The following PRKAG2 variants were observed in gnomAD, a reference collection of about 807,000 sequenced individuals.
The protein encoded by PRKAG2 is protein kinase AMP-activated non-catalytic subunit gamma 2.
In PRKAG2, 26 loss-of-function variants were observed where a neutral mutation model predicts 69.6. That is an observed-to-expected ratio of 0.37 (90% CI 0.27 to 0.52). The LOEUF is 0.52. Among genes scored for constraint, PRKAG2 ranks in the 20% least tolerant of loss-of-function variants. The probability of loss-of-function intolerance (pLI) is 0.90; values close to 1 mark genes in which losing one functional copy is unlikely to be tolerated. For missense variants in PRKAG2, 557 were observed against 740.0 expected (o/e 0.75, Z 2.87); for synonymous variants, 293 against 285.0 (o/e 1.03, Z -0.28).
rs76589712 is a variant in PRKAG2, at chr7:151,635,440, G to A, written c.685-3302C>T. ...CAGTGCAAACGAAATAACAGATGTC[G>A]TTCAATGGATGAATGGTGAAGCGGG... On this transcript the variant is annotated intron_variant, in intron 4 of 15. Coordinates refer to ENST00000287878, the MANE Select transcript of PRKAG2 (RefSeq NM_016203.4). Among the ~76,000 whole-genome samples the A allele has an allele frequency of 4.1e-4, 63 of 152,234 alleles. 1 individual carries two copies. In the East Asian group the frequency reaches 9.7e-3, roughly 23 times the overall value.
chr7:151,588,721 T>C (rs1485974995), intron 6 of PRKAG2, among the ~76,000 whole-genome samples: 1 of 147,686 alleles, frequency 6.8e-6, no homozygotes, highest in African/African-American at 2.5e-5. Context: ...CCGCCATCCA[T>C]ATAAGACATG....
intron 1 of PRKAG2, chr7:151,809,181 T>C: frequency 2.2e-6 from 1 of 454,664 alleles, no homozygotes; most frequent in East Asian, 7.0e-5. Context: ...CTTGGCCTAA[T>C]ACTAAGGGCA....
chr7:151,559,739 TGA>T (rs1185617215), intron 15 of PRKAG2: 1 of 985,300 alleles, frequency 1.0e-6, no homozygotes, highest in Admixed American at 6.1e-5. Context: ...TATTGGATTC[TGA>T]GAGTTCAAAG....
chr7:151,874,091 GATGTAT>G (rs1257926105), intron 1 of PRKAG2, among the ~76,000 whole-genome samples: 3 of 134,392 alleles, frequency 2.2e-5, no homozygotes, highest in South Asian at 2.3e-4. Flanking sequence ...ATATGTATAT[GATGTAT>G]ATGTATATGA....
chr7:151,589,141 G>A (rs1453783463), intron 6 of PRKAG2, among the ~76,000 whole-genome samples: 2 of 152,202 alleles, frequency 1.3e-5, no homozygotes, highest in African/African-American at 4.8e-5. Context: ...CGGCTAGCAG[G>A]GCTCCTGTCT....
intron 6 of PRKAG2, among the ~76,000 whole-genome samples, chr7:151,585,089 A>G (rs888831758): frequency 6.6e-6 from 1 of 152,162 alleles, no homozygotes; most frequent in Non-Finnish European, 1.5e-5. Context: ...GGGGAAAAAT[A>G]AAATCATATA....
rs117369711 is a variant in PRKAG2, at chr7:151,684,179, G to A, written c.467-8542C>T. 6.5e-3 allele frequency among the ~76,000 whole-genome samples: 985 copies of A among 152,278 alleles called. 5 individuals carry two copies. The highest frequency in any genetic ancestry group is 0.01 in the Non-Finnish European group (704 of 68,004). On this transcript the variant is annotated intron_variant, in intron 3 of 15. Transcript: ENST00000287878. ...TATCCTCAGGGACCCTGCCTGCCAT[G>A]CCTCCAGCAACTCCTCTTCCCCTCG...
intron 1 of PRKAG2, among the ~76,000 whole-genome samples, chr7:151,815,032 T>C (rs1015290534): frequency 6.6e-6 from 1 of 152,178 alleles, no homozygotes; most frequent in Non-Finnish European, 1.5e-5. Flanking sequence ...ACTGTTCCCA[T>C]CTAACTTCAG....
chr7:151,581,886 A>C (rs533992438), intron 6 of PRKAG2, among the ~76,000 whole-genome samples: 8 of 152,348 alleles, frequency 5.3e-5, no homozygotes, highest in African/African-American at 1.9e-4. Context: ...TTCAGCCCCC[A>C]AAATGCTGCA....
intron 1 of PRKAG2, among the ~76,000 whole-genome samples, chr7:151,811,171 G>T (rs12539356): frequency 0.18 from 27,719 of 152,266 alleles, 2,965 homozygotes; most frequent in Middle Eastern, 0.29. Flanking sequence ...AAACTCAGTT[G>T]CTCCCACTGC....
At position 151,836,766 on chromosome 7, in the gene PRKAG2, C is replaced by T. The variant is rs1422612214; in HGVS notation, c.114+39741G>A. On this transcript the variant is annotated intron_variant, in intron 1 of 15. Transcript: ENST00000287878. The surrounding 1 kb of genome is among the most constrained non-coding windows in gnomAD (Gnocchi z 4.1). Reference sequence around the variant, plus strand: ...GACCTAGCCCCTCGGGTCCCCTGCCCTCTCCTCCTGGCAGGTTCTCTGGCT... The same window carrying T: ...GACCTAGCCCCTCGGGTCCCCTGCCTTCTCCTCCTGGCAGGTTCTCTGGCT... 1.3e-5 allele frequency among the ~76,000 whole-genome samples: 2 copies of T among 152,214 alleles called. No homozygotes were observed. The highest frequency in any genetic ancestry group is 3.9e-4 in the East Asian group (2 of 5,182).
At chr7:151,770,863 C>T (rs552235681) in intron 3 of PRKAG2, among the ~76,000 whole-genome samples, 3 of 152,190 alleles carry the variant, frequency 2.0e-5, no homozygotes, top group Non-Finnish European at 4.4e-5. Flanking sequence ...ATGCCCCACG[C>T]CCCATCCCCG....
At chr7:151,586,080 T>C (rs1811600739) in intron 6 of PRKAG2, among the ~76,000 whole-genome samples, 1 of 152,194 alleles carries the variant, frequency 6.6e-6, no homozygotes, top group Non-Finnish European at 1.5e-5. Flanking sequence ...TGCTGGACTA[T>C]GAGTTGATGT....
At chr7:151,795,652 A>T (rs2077462927) in intron 1 of PRKAG2, among the ~76,000 whole-genome samples, 1 of 151,902 alleles carries the variant, frequency 6.6e-6, no homozygotes, top group South Asian at 2.1e-4. Flanking sequence ...AGTGAAGCAG[A>T]TCATGCTGAA....
intron 1 of PRKAG2, among the ~76,000 whole-genome samples, chr7:151,868,539 G>C (rs909612725): frequency 6.6e-6 from 1 of 152,250 alleles, no homozygotes; most frequent in Non-Finnish European, 1.5e-5. Flanking sequence ...ATCGGCCTTT[G>C]TTTGTTGCGC....
chr7:151,729,743 T>G (rs1055773184), intron 3 of PRKAG2, among the ~76,000 whole-genome samples: 2 of 151,954 alleles, frequency 1.3e-5, no homozygotes, highest in Non-Finnish European at 2.9e-5. Context: ...TCGGAGTCCC[T>G]AGAACACACC....
chr7:151,748,277 T>C (rs2074424636), intron 3 of PRKAG2, among the ~76,000 whole-genome samples: 1 of 152,176 alleles, frequency 6.6e-6, no homozygotes, highest in East Asian at 1.9e-4. Context: ...AAGTAAACAA[T>C]AGATAGTATA....
intron 4 of PRKAG2, among the ~76,000 whole-genome samples, chr7:151,664,399 T>C (rs896573476): frequency 1.3e-5 from 2 of 152,140 alleles, no homozygotes; most frequent in African/African-American, 4.8e-5. Flanking sequence ...CACAGGGACA[T>C]GCCGAGTCAC....
rs1179033767 is a variant in PRKAG2 at position 151,828,263 on chromosome 7, TG to T, written c.115-41723del. ...TAGGTCCCTGGTCACAGTGGCATTC[TG>T]GGGGTTTTCAGAGAGTCCTGTAATG... On this transcript the variant is annotated intron_variant, in intron 1 of 15. Transcript: ENST00000287878. The surrounding 1 kb of genome is among the most constrained non-coding windows in gnomAD (Gnocchi z 4.6). 6.6e-6 allele frequency among the ~76,000 whole-genome samples: 1 copy of T among 152,228 alleles called. No individual in the cohort carries two copies. The highest frequency in any genetic ancestry group is 1.5e-5 in the Non-Finnish European group (1 of 68,032).
Sources: allele counts gnomAD v4.1 joint callset (sites outside exome capture counted in the v4.1 genomes callset), GRCh38; gene constraint gnomAD v4.1.1; non-coding constraint Gnocchi (gnomAD v3.1); transcripts MANE v1.5; gene names NCBI Gene and HGNC (gene_info 2026-07-23, HGNC 2026-07-21).